TJP2: variants seen among roughly 807,000 people sequenced by gnomAD.
The protein encoded by TJP2 is tight junction protein 2, also known as Friedreich ataxia region gene X104 (tight junction protein ZO-2).
Under a neutral mutation model 133.1 loss-of-function variants are expected in TJP2, and 91 were observed. The ratio of observed to expected loss-of-function variants is 0.68; its 90% confidence interval spans 0.58 to 0.81. TJP2 has a LOEUF of 0.81. Among genes scored for constraint, TJP2 ranks in the 40% least tolerant of loss-of-function variants. The pLI is 0.00. For missense variants in TJP2, 1,541 were observed against 1,565.6 expected (o/e 0.98, Z 0.26); for synonymous variants, 592 against 583.4 (o/e 1.01, Z -0.21).
intron 21 of TJP2, among the ~76,000 whole-genome samples, chr9:69,251,857 G>T (rs1831359837): frequency 6.6e-6 from 1 of 152,170 alleles, no homozygotes; most frequent in Admixed American, 6.5e-5. Context: ...GAGTATATTT[G>T]CCCAGTAGAT....
intron 1 of TJP2, among the ~76,000 whole-genome samples, chr9:69,144,594 A>G (rs554945729): frequency 7.9e-5 from 12 of 152,344 alleles, no homozygotes; most frequent in African/African-American, 2.9e-4. Context: ...AAATTTCACA[A>G]AAGTCAATTT....
intron 1 of TJP2, chr9:69,205,223 G>A: frequency 1.3e-6 from 2 of 1,537,232 alleles, no homozygotes; most frequent in South Asian, 2.4e-5. Flanking sequence ...TTGAGGAGAT[G>A]GAAAGGCCGT....
rs1481066459 is a variant in TJP2 at position 69,221,408 on chromosome 9, G to A, written c.864G>A (p.Glu288=). 4 of 1,582,432 alleles carry A rather than the reference G, an allele frequency of 2.5e-6. No homozygotes were observed. Among genetic ancestry groups the A allele is most frequent in the Non-Finnish European group, 3.4e-6 (4 of 1,164,656 alleles). Residue 288 remains glutamate, a synonymous_variant, in exon 5 of 23, where the codon GAG becomes GAA. Coordinates refer to ENST00000377245, the MANE Select transcript of TJP2 (RefSeq NM_004817.4). The part of the protein sequence containing the change: ...RSRGPRSRSR[E]HPHSRSPSPE... ...GGGGACCCCGAAGCCGCAGCCGCGA[G>A]CACCCGCACTCACGGAGCCCCAGCC...
At chr9:69,161,623 A>G (rs995528890) in intron 2 of TJP2, among the ~76,000 whole-genome samples, 38 of 152,138 alleles carry the variant, frequency 2.5e-4, no homozygotes, top group African/African-American at 8.9e-4. Context: ...TAGGAATGAC[A>G]TAGCTGTCAA....
intron 4 of TJP2, chr9:69,218,687 A>G (rs559454385): frequency 5.7e-5 from 21 of 368,072 alleles, no homozygotes; most frequent in South Asian, 4.9e-4. Flanking sequence ...CAGCTCAAAA[A>G]CTCACTTGTA....
chr9:69,143,744 C>T (rs1823102473), intron 1 of TJP2, among the ~76,000 whole-genome samples: 1 of 152,118 alleles, frequency 6.6e-6, no homozygotes, highest in South Asian at 2.1e-4. Flanking sequence ...GAAAACTTAG[C>T]CTTCATCTAT....
At chr9:69,200,355 G>A (rs186946120) in intron 1 of TJP2, among the ~76,000 whole-genome samples, 15 of 151,574 alleles carry the variant, frequency 9.9e-5, no homozygotes, top group African/African-American at 3.2e-4. Context: ...TTAACAACCC[G>A]CCTGTGCCAT....
Position 69,123,149 on chromosome 9 carries a change from G to A in TJP2, c.-131+1424G>A, listed in dbSNP as rs530883036. Among the ~76,000 whole-genome samples the A allele has an allele frequency of 5.3e-5, 8 of 152,274 alleles. No individual in the cohort carries two copies. The East Asian group carries it at 1.2e-3, about 22-fold the overall frequency. On this transcript the variant is annotated intron_variant, in intron 1 of 5. Transcript: ENST00000423935. ...GTGAAGTTTTCTGTCCAGTGTCAAG[G>A]AGTGCTTTACATTTCCATCCGGTTA... is the stretch of plus-strand genomic sequence containing the variant.
chr9:69,236,763 AC>A, intron 13 of TJP2, among the ~76,000 whole-genome samples, 185 bp from the exon 14 acceptor site: 1 of 152,214 alleles, frequency 6.6e-6, no homozygotes, highest in East Asian at 1.9e-4. Context: ...TTTCACAGAG[AC>A]CCAGCCTTTT....
chr9:69,128,867 A>C (rs1310406149), intron 1 of TJP2, among the ~76,000 whole-genome samples: 2 of 152,144 alleles, frequency 1.3e-5, no homozygotes, highest in Non-Finnish European at 2.9e-5. Context: ...ATTCTTTTCC[A>C]AGGGAAAAGG....
At chr9:69,171,596 C>T (rs1037068467), upstream of TJP2, among the ~76,000 whole-genome samples, 1 of 152,098 alleles carries the variant, frequency 6.6e-6, no homozygotes, top group Non-Finnish European at 1.5e-5. Context: ...ATAAGCAACC[C>T]CATCTCTGGA....
chr9:69,248,877 G>A (rs1588156204), intron 19 of TJP2: 1 of 989,736 alleles, frequency 1.0e-6, no homozygotes, highest in Non-Finnish European at 1.2e-6. Flanking sequence ...AGATGGGATT[G>A]TTCATATATT....
upstream of TJP2, chr9:69,121,405 G>A: frequency 1.1e-6 from 1 of 943,136 alleles, no homozygotes; most frequent in Non-Finnish European, 1.3e-6. Context: ...CCCCGCCGCT[G>A]CTCTCTGGCT....
At chr9:69,218,054 C>T (rs1038652210) in intron 3 of TJP2, among the ~76,000 whole-genome samples, 6 of 152,200 alleles carry the variant, frequency 3.9e-5, no homozygotes, top group African/African-American at 1.4e-4. Flanking sequence ...TCCATTTAGA[C>T]ACTCAGAATT....
Position 69,240,025 on chromosome 9 carries a change from C to T in TJP2, c.2444C>T (p.Pro815Leu), listed in dbSNP as rs1830475855. 6.2e-7 allele frequency: 1 copy of T among 1,613,760 alleles called. No homozygotes were observed. Among genetic ancestry groups the T allele is most frequent in the Non-Finnish European group, 8.5e-7 (1 of 1,179,958 alleles). Residue 815 changes from proline (P) to leucine (L), a missense_variant, in exon 17 of 23, where the codon CCA (proline) becomes CTA (leucine). Transcript: ENST00000377245. ...TTCCCAATTGTGATTTTTTTCAACCCAGACTCCAGACAAGGTGTCAAAACC... is the reference window on the plus strand; with the variant it reads ...TTCCCAATTGTGATTTTTTTCAACCTAGACTCCAGACAAGGTGTCAAAACC... ...QWFPIVIFFN[P>L]DSRQGVKTMR...
chr9:69,230,832 G>T (rs1442511449), intron 11 of TJP2, among the ~76,000 whole-genome samples: 1 of 152,168 alleles, frequency 6.6e-6, no homozygotes, highest in Non-Finnish European at 1.5e-5. Flanking sequence ...GAAGGTGAGT[G>T]TCCATTCTTT....
chr9:69,182,015 A>T (rs1367512154), intron 1 of TJP2, among the ~76,000 whole-genome samples: 1 of 151,982 alleles, frequency 6.6e-6, no homozygotes, highest in African/African-American at 2.4e-5. Flanking sequence ...CCCGGGCCTC[A>T]TTGCCTGTGA....
intron 2 of TJP2, among the ~76,000 whole-genome samples, chr9:69,158,191 C>T (rs756730673): frequency 2.6e-5 from 4 of 151,772 alleles, no homozygotes; most frequent in Non-Finnish European, 5.9e-5. Context: ...TGGTGGTGCA[C>T]GCCTGTAATC....
chr9:69,241,079 G>A (rs927503501), intron 17 of TJP2, among the ~76,000 whole-genome samples: 9 of 152,130 alleles, frequency 5.9e-5, no homozygotes, highest in Non-Finnish European at 1.3e-4. Context: ...TGGTTGATAT[G>A]TACATCGGAG....
Sources: allele counts gnomAD v4.1 joint callset (sites outside exome capture counted in the v4.1 genomes callset), GRCh38; gene constraint gnomAD v4.1.1; transcripts MANE v1.5; gene names NCBI Gene and HGNC (gene_info 2026-07-23, HGNC 2026-07-21).